Variants in PLCG2 observed in about 807,000 individuals in gnomAD.
PLCG2 encodes phospholipase C gamma 2, also known as 1-phosphatidylinositol 4,5-bisphosphate phosphodiesterase gamma-2.
A neutral mutation model predicts 175.6 loss-of-function variants in PLCG2; 69 were observed. That is an observed-to-expected ratio of 0.39 (90% confidence interval 0.32 to 0.48). The LOEUF is 0.48. Ranked by LOEUF, PLCG2 falls within the 20% of genes least tolerant of loss-of-function variation. PLCG2 has a pLI of 0.91. For missense variants in PLCG2, 1,798 were observed against 1,650.9 expected (o/e 1.09, Z -1.54); for synonymous variants, 827 against 624.0 (o/e 1.33, Z -4.85).
intron 15 of PLCG2, among the ~76,000 whole-genome samples, chr16:81,905,733 A>C (rs1010984324): frequency 1.1e-4 from 16 of 152,136 alleles, no homozygotes; most frequent in African/African-American, 3.6e-4. Context: ...ATTGCGGCTC[A>C]CTGCAGCCTT....
intron 2 of PLCG2, among the ~76,000 whole-genome samples, chr16:81,828,440 A>T (rs1297518599): frequency 6.6e-6 from 1 of 151,680 alleles, no homozygotes; most frequent in African/African-American, 2.4e-5. Flanking sequence ...GGGTTTCACC[A>T]TGTTAGCCAG....
intron 23 of PLCG2, among the ~76,000 whole-genome samples, chr16:81,928,232 T>C (rs1169635042): frequency 6.6e-6 from 1 of 152,156 alleles, no homozygotes; most frequent in East Asian, 1.9e-4. Flanking sequence ...AGTCTCATTT[T>C]CTAATAAGGT....
At chr16:81,787,345 C>A (rs1597318249) in intron 2 of PLCG2, among the ~76,000 whole-genome samples, 1 of 151,088 alleles carries the variant, frequency 6.6e-6, no homozygotes, top group East Asian at 1.9e-4. Flanking sequence ...CCTCAGTCTC[C>A]CAAGTAGCTG....
At chr16:81,801,140 A>G (rs1911700742) in intron 2 of PLCG2, among the ~76,000 whole-genome samples, 2 of 152,346 alleles carry the variant, frequency 1.3e-5, no homozygotes, top group Non-Finnish European at 2.9e-5. Context: ...GCTATTATGC[A>G]TGTGGGAATT....
At chr16:81,908,852 T>A (rs1000708578) in intron 17 of PLCG2, among the ~76,000 whole-genome samples, 2 of 152,178 alleles carry the variant, frequency 1.3e-5, no homozygotes, top group African/African-American at 4.8e-5. Flanking sequence ...GAACAAAATA[T>A]GAACATTTTA....
chr16:81,888,989 A>G (rs907319587), intron 9 of PLCG2, among the ~76,000 whole-genome samples, 183 bp from the exon 10 acceptor site: 2 of 151,964 alleles, frequency 1.3e-5, no homozygotes, highest in African/African-American at 2.4e-5. Context: ...TGCAGAGAAC[A>G]TTTGCTGACC....
At chr16:81,854,617 T>C (rs774484918) in intron 3 of PLCG2, 30 bp downstream of exon 3, 1 of 1,605,354 alleles carries the variant, frequency 6.2e-7, no homozygotes. Flanking sequence ...CCTTTCTCCT[T>C]CCCTGTGCCT....
chr16:81,773,289 C>T (rs1265408197), intron 2 of PLCG2, among the ~76,000 whole-genome samples: 1 of 152,146 alleles, frequency 6.6e-6, no homozygotes, highest in Non-Finnish European at 1.5e-5. Context: ...CTCAGTGTAC[C>T]TTGTCTGCAC....
At chr16:81,819,314 A>T (rs554491621) in intron 2 of PLCG2, among the ~76,000 whole-genome samples, 91 of 152,262 alleles carry the variant, frequency 6.0e-4, no homozygotes, top group African/African-American at 2.1e-3. Flanking sequence ...GTGGAGTGAC[A>T]ACACTGCCTC....
Position 81,827,190 on chromosome 16 carries a change from G to GTTTTTTTTTTTTTTT in PLCG2, c.194-27241_194-27240insTTTTTTTTTTTTTTT, listed in dbSNP as rs368220809. Among the ~76,000 whole-genome samples, 420 of 143,806 alleles carry GTTTTTTTTTTTTTTT rather than the reference G, an allele frequency of 2.9e-3. 2 individuals carry two copies. Among genetic ancestry groups the GTTTTTTTTTTTTTTT allele is most frequent in the African/African-American group, 6.0e-3 (233 of 38,696 alleles). The allele number at this position is 143,806 out of a possible 152,430, so 94.3% of individuals were successfully genotyped here. On this transcript the variant is annotated intron_variant, in intron 2 of 32. Transcript: ENST00000564138. Reference sequence around the variant, plus strand: ...CTCATACATTATAGAGGATTGCTGGGTTTTTTTTTTTTTGGGGACAGGGTC... The same window carrying GTTTTTTTTTTTTTTT: ...CTCATACATTATAGAGGATTGCTGGGTTTTTTTTTTTTTTTTTTTTTTTTTTTTGGGGACAGGGTC...
chr16:81,760,610 A>T (rs1183325323), intron 2 of PLCG2, among the ~76,000 whole-genome samples: 2 of 152,020 alleles, frequency 1.3e-5, no homozygotes, highest in Non-Finnish European at 2.9e-5. Context: ...GGCAGAGCCC[A>T]CTACATAATA....
In PLCG2 at chr16:81,956,860, C is replaced by G. The variant is rs1023329424; in HGVS notation, c.3736C>G (p.Gln1246Glu). The change falls in exon 32 of 33, where the codon CAG becomes GAG. Residue 1246 changes from glutamine to glutamate, a missense_variant. By Grantham distance (29) the Gln-to-Glu change is conservative (BLOSUM62 2). Coordinates refer to ENST00000564138, the MANE Select transcript of PLCG2 (RefSeq NM_002661.5). Reference protein sequence around the residue: ...SVNENQLQLYQEKCNKRLREK... With the variant: ...SVNENQLQLYEEKCNKRLREK... ...TAATGAGAACCAGCTCCAGCTGTAC[C>G]AGGAGAAATGCAACAAGAGGTAGGT... The G allele has an allele frequency of 1.9e-6, 3 of 1,613,614 alleles. No individual in the cohort carries two copies. The highest frequency in any genetic ancestry group is 1.7e-5 in the Admixed American group (1 of 59,988).
At position 81,956,690 on chromosome 16, in the gene PLCG2, T is replaced by G. The variant is rs770108390; in HGVS notation, c.3571-5T>G. 2.3e-5 allele frequency: 37 copies of G among 1,613,064 alleles called. No individual in the cohort carries two copies. The highest frequency in any genetic ancestry group is 2.8e-5 in the Non-Finnish European group (33 of 1,179,694). On this transcript the variant is annotated splice_polypyrimidine_tract_variant and splice_region_variant and intron_variant, in intron 31 of 32. Coordinates refer to ENST00000564138, the MANE Select transcript of PLCG2 (RefSeq NM_002661.5). ...CATGGTTGTTCTCTCCCCTGCATCC[T>G]CCAGGAGAGCGAAGAGGAACTTTAC...
rs759341256 is a variant in PLCG2 at position 81,961,404 on chromosome 16, T to G, written c.*3406T>G. 3 of 227,052 alleles carry G rather than the reference T, an allele frequency of 1.3e-5. No homozygotes were observed. Among genetic ancestry groups the G allele is most frequent in the Non-Finnish European group, 2.6e-5 (3 of 114,328 alleles). The allele number at this position is 227,052 out of a possible 1,614,324, so 14.1% of individuals were successfully genotyped here. A position where few individuals can be genotyped will look rare whatever the true frequency, so the allele number is the denominator to read the frequency against. ...ATTTCCAAAGAAGTTTTACTATGTT[T>G]AATAATTTAGTGAAATTTGGGCTAT... is the stretch of plus-strand genomic sequence containing the variant. On this transcript the variant is annotated 3_prime_UTR_variant, in exon 33 of 33. Coordinates refer to ENST00000564138, the MANE Select transcript of PLCG2 (RefSeq NM_002661.5).
At chr16:81,898,414 C>G (rs1908991764) in intron 13 of PLCG2, 1 of 152,438 alleles carries the variant, frequency 6.6e-6, no homozygotes, top group East Asian at 1.9e-4. Flanking sequence ...AGCTTTTTAG[C>G]TGTTATGTTC....
intron 5 of PLCG2, among the ~76,000 whole-genome samples, chr16:81,862,155 C>T (rs764329224): frequency 2.7e-4 from 41 of 152,176 alleles, no homozygotes; most frequent in African/African-American, 8.9e-4. Flanking sequence ...ACCCACGAGA[C>T]GAATCGTGTT....
intron 14 of PLCG2, among the ~76,000 whole-genome samples, chr16:81,903,505 G>A (rs1433966997): frequency 6.6e-6 from 1 of 152,230 alleles, no homozygotes; most frequent in Admixed American, 6.5e-5. Context: ...TCTTAGTCTT[G>A]CAGATGAGAA....
intron 2 of PLCG2, among the ~76,000 whole-genome samples, chr16:81,796,264 T>A (rs1911465350): frequency 6.6e-6 from 1 of 152,246 alleles, no homozygotes; most frequent in South Asian, 2.1e-4. Context: ...CAGCACAGAC[T>A]GTCTCCAAAC....
intron 1 of PLCG2, among the ~76,000 whole-genome samples, chr16:81,785,578 T>G (rs1910932611): frequency 1.3e-5 from 2 of 151,930 alleles, no homozygotes; most frequent in South Asian, 4.2e-4. Context: ...AGAAGGATGT[T>G]GGAGATTAGG....
Sources: gnomAD v4.1 joint callset for allele counts (sites outside exome capture counted in the v4.1 genomes callset) on GRCh38, gnomAD v4.1.1 for gene constraint, MANE v1.5 for transcripts, NCBI Gene and HGNC (gene_info 2026-07-23, HGNC 2026-07-21) for gene names.